The following DCAF6 variants were observed in gnomAD, a reference collection of about 807,000 sequenced individuals.
DCAF6 encodes the protein DDB1 and CUL4 associated factor 6.
In DCAF6, 54 loss-of-function variants were observed where a neutral mutation model predicts 125.1. That is an observed-to-expected ratio of 0.43 (90% CI 0.35 to 0.54). The LOEUF is 0.54. Among genes scored for constraint, DCAF6 ranks in the 20% least tolerant of loss-of-function variants. The probability of loss-of-function intolerance (pLI) is 0.01; values close to 1 mark genes in which losing one functional copy is unlikely to be tolerated. For synonymous variants in DCAF6, 371 were observed against 390.4 expected, an observed-to-expected ratio of 0.95 and a Z score of 0.58; for missense variants, 934 against 1,161.7, an observed-to-expected ratio of 0.80 and a Z score of 2.85.
the DCAF6 span, among the ~76,000 whole-genome samples, chr1:167,928,418 C>CT: frequency 3.3e-5 from 5 of 151,444 alleles, no homozygotes; most frequent in East Asian, 5.8e-4. Flanking sequence ...CATTTCTTAG[C>CT]TTTTTTTTCC....
the DCAF6 span, among the ~76,000 whole-genome samples, chr1:167,915,095 TTA>T: frequency 6.6e-6 from 1 of 152,194 alleles, no homozygotes; most frequent in South Asian, 2.1e-4. Flanking sequence ...GACCTTTGTT[TTA>T]CAGAAAGGAA....
At chr1:167,874,431 C>A in the DCAF6 span, among the ~76,000 whole-genome samples, 1 of 152,106 alleles carries the variant, frequency 6.6e-6, no homozygotes, top group African/African-American at 2.4e-5. Context: ...TAATAAGATA[C>A]CACTATACAC....
chr1:168,034,070 A>G (rs1687493267), intron 12 of DCAF6, among the ~76,000 whole-genome samples: 1 of 152,246 alleles, frequency 6.6e-6, no homozygotes, highest in African/African-American at 2.4e-5. Context: ...CCAGTTATTA[A>G]TGTTGTTGAT....
At chr1:167,992,094 T>G (rs558036577) in intron 6 of DCAF6, among the ~76,000 whole-genome samples, 1 of 152,304 alleles carries the variant, frequency 6.6e-6, no homozygotes, top group Admixed American at 6.5e-5. Context: ...TTATTCCTGC[T>G]TACCTTAAAG....
At chr1:167,933,402 G>A (rs749510906), upstream of DCAF6, among the ~76,000 whole-genome samples, 1 of 152,030 alleles carries the variant, frequency 6.6e-6, no homozygotes, top group Non-Finnish European at 1.5e-5. Flanking sequence ...CCTGACCTCA[G>A]GTGATCCACC....
At chr1:167,895,731 G>C in the DCAF6 span, among the ~76,000 whole-genome samples, 1 of 152,180 alleles carries the variant, frequency 6.6e-6, no homozygotes, top group Non-Finnish European at 1.5e-5. Flanking sequence ...GCAACTTGCA[G>C]GACCTTGAGA....
At position 168,004,710 on chromosome 1, in the gene DCAF6, A is replaced by C; in HGVS notation, c.1295A>C (p.His432Pro). The change falls in exon 10 of 22, where the codon CAT becomes CCT. Residue 432 changes from histidine to proline, a missense_variant. Physicochemically the swap from His to Pro is moderately conservative, Grantham distance 77 (BLOSUM62 -2). Coordinates refer to ENST00000367840, the MANE Select transcript of DCAF6 (RefSeq NM_001198956.2). The part of the protein sequence containing the change: ...HSTSSPTESP[H>P]STPLLSSPDS... Reference sequence around the variant, plus strand: ...ACATCATCTCCCACAGAAAGCCCTCATTCTACTCCTTTGCTATCTTCTCCA... The same window carrying C: ...ACATCATCTCCCACAGAAAGCCCTCCTTCTACTCCTTTGCTATCTTCTCCA... 1 of 1,614,056 alleles carries C rather than the reference A, an allele frequency of 6.2e-7. No individual in the cohort carries two copies. Among genetic ancestry groups the C allele is most frequent in the Non-Finnish European group, 8.5e-7 (1 of 1,179,932 alleles).
At chr1:167,985,213 T>TGTGTG (rs1679812989) in intron 4 of DCAF6, among the ~76,000 whole-genome samples, 1 of 141,116 alleles carries the variant, frequency 7.1e-6, no homozygotes, top group African/African-American at 2.7e-5. Context: ...GTGTGTGTGG[T>TGTGTG]GTGTGTGTGT....
rs543984994 is a variant in DCAF6, at chr1:168,036,070, T to G, written c.1610-2301T>G. ...AAAAGAGCCTCCATCTCAAAAAAAA[T>G]AAAAACAAAACAAAACAAAAAAACT... On this transcript the variant is annotated intron_variant, in intron 12 of 21. Coordinates refer to ENST00000367840, the MANE Select transcript of DCAF6 (RefSeq NM_001198956.2). 9.1e-4 allele frequency among the ~76,000 whole-genome samples: 139 copies of G among 152,006 alleles called. 1 individual carries two copies. The highest frequency in any genetic ancestry group is 3.3e-3 in the African/African-American group (135 of 41,488).
intron 11 of DCAF6, among the ~76,000 whole-genome samples, chr1:168,022,240 A>G (rs1387606674): frequency 1.3e-5 from 2 of 152,224 alleles, no homozygotes; most frequent in East Asian, 1.9e-4. Context: ...AACCGCTTAT[A>G]AAGTAAATTC....
chr1:168,057,245 A>G (rs1690992836), intron 17 of DCAF6, among the ~76,000 whole-genome samples: 1 of 152,168 alleles, frequency 6.6e-6, no homozygotes, highest in South Asian at 2.1e-4. Flanking sequence ...CATATTTTTT[A>G]GTGCTATTTA....
chr1:167,914,617 T>C, the DCAF6 span, among the ~76,000 whole-genome samples: 1 of 152,192 alleles, frequency 6.6e-6, no homozygotes, highest in Admixed American at 6.5e-5. Flanking sequence ...AAAGATAACT[T>C]GAAATCCAAT....
At chr1:167,876,693 G>A in the DCAF6 span, among the ~76,000 whole-genome samples, 1 of 152,150 alleles carries the variant, frequency 6.6e-6, no homozygotes, top group African/African-American at 2.4e-5. Context: ...ATAGTCCTGG[G>A]TTTGCATAGT....
At chr1:167,968,142 G>A (rs767369922) in intron 3 of DCAF6, among the ~76,000 whole-genome samples, 2 of 152,144 alleles carry the variant, frequency 1.3e-5, no homozygotes, top group Non-Finnish European at 2.9e-5. Context: ...ATTGGTGATT[G>A]TATCAGTCGG....
chr1:167,896,714 T>C, the DCAF6 span: 1 of 1,489,850 alleles, frequency 6.7e-7, no homozygotes, highest in Middle Eastern at 1.9e-4. Flanking sequence ...AAATGAGAAG[T>C]TTTCAGTTAT....
chr1:167,971,595 A>G (rs546247530), intron 3 of DCAF6, among the ~76,000 whole-genome samples: 1 of 152,342 alleles, frequency 6.6e-6, no homozygotes, highest in South Asian at 2.1e-4. Flanking sequence ...TAAGAAGGAA[A>G]GAGATGCCAA....
intron 12 of DCAF6, among the ~76,000 whole-genome samples, chr1:168,035,489 AG>A (rs555919304): frequency 8.0e-4 from 122 of 152,302 alleles, no homozygotes; most frequent in Non-Finnish European, 1.4e-3. Flanking sequence ...TGAAGAAACC[AG>A]GTTCTTCATT....
intron 2 of DCAF6, among the ~76,000 whole-genome samples, chr1:167,963,746 G>T (rs1278505828): frequency 2.0e-5 from 3 of 151,144 alleles, no homozygotes; most frequent in African/African-American, 7.3e-5. Flanking sequence ...GGTTTTAATT[G>T]AGCATTTCAT....
At chr1:168,054,262 A>G (rs1467506690) in intron 17 of DCAF6, among the ~76,000 whole-genome samples, 1 of 152,208 alleles carries the variant, frequency 6.6e-6, no homozygotes, top group African/African-American at 2.4e-5. Flanking sequence ...TTGAAGGGCC[A>G]CAATGGTACA....
Sources: gnomAD v4.1 joint callset for allele counts (sites outside exome capture counted in the v4.1 genomes callset) on GRCh38, gnomAD v4.1.1 for gene constraint, MANE v1.5 for transcripts, NCBI Gene and HGNC (gene_info 2026-07-23, HGNC 2026-07-21) for gene names.